Variants in ABTB2 observed in about 807,000 individuals in gnomAD.
ABTB2 encodes ankyrin repeat and BTB/POZ domain-containing protein 2.
A neutral mutation model predicts 104.1 loss-of-function variants in ABTB2; 56 were observed. That is an observed-to-expected ratio of 0.54 (90% CI 0.43 to 0.67). The LOEUF (loss-of-function observed/expected upper bound fraction) is 0.67. Ranked by LOEUF, ABTB2 falls within the 30% of genes least tolerant of loss-of-function variation. ABTB2 has a pLI of 0.00. For missense variants in ABTB2, 1,279 were observed against 1,407.7 expected, an observed-to-expected ratio of 0.91 and a Z score of 1.46; for synonymous variants, 606 against 608.2, an observed-to-expected ratio of 1.00 and a Z score of 0.05.
At chr11:34,266,049 G>A (rs1048288158) in intron 1 of ABTB2, among the ~76,000 whole-genome samples, 2 of 151,798 alleles carry the variant, frequency 1.3e-5, no homozygotes, top group African/African-American at 4.8e-5. Context: ...AGGGGATCCA[G>A]TTCCATCTCT....
At chr11:34,238,777 G>A (rs1302834267) in intron 1 of ABTB2, among the ~76,000 whole-genome samples, 4 of 151,862 alleles carry the variant, frequency 2.6e-5, no homozygotes, top group Admixed American at 1.3e-4. Flanking sequence ...CTTTTGAGTC[G>A]GAGTCTCACT....
intron 1 of ABTB2, among the ~76,000 whole-genome samples, chr11:34,214,139 AACACACACACACACACAC>A (rs10529537): frequency 7.2e-6 from 1 of 139,172 alleles, no homozygotes; most frequent in Non-Finnish European, 1.5e-5. Flanking sequence ...GCACATTCAA[AACACACACACACACACAC>A]ACACACACAC....
intron 3 of ABTB2, among the ~76,000 whole-genome samples, chr11:34,190,166 G>A (rs1302289104): frequency 6.6e-6 from 1 of 151,992 alleles, no homozygotes; most frequent in Non-Finnish European, 1.5e-5. Context: ...CTTGCATCTG[G>A]AAGGTGGAGG....
At chr11:34,345,613 T>G (rs1461323721) in intron 1 of ABTB2, among the ~76,000 whole-genome samples, 1 of 151,456 alleles carries the variant, frequency 6.6e-6, no homozygotes, top group Non-Finnish European at 1.5e-5. Flanking sequence ...AAGCACCCAC[T>G]GGACAGGTGG....
chr11:34,196,049 C>G (rs1156524895), intron 3 of ABTB2, among the ~76,000 whole-genome samples: 2 of 152,178 alleles, frequency 1.3e-5, no homozygotes, highest in African/African-American at 4.8e-5. Flanking sequence ...ATGGGGCTTC[C>G]TAAACTGAGT....
At chr11:34,160,814 G>T (rs1852707511) in intron 11 of ABTB2, 89 bp downstream of exon 11, 2 of 1,411,436 alleles carry the variant, frequency 1.4e-6, no homozygotes, top group Non-Finnish European at 1.9e-6. Context: ...CCCTGTGTCT[G>T]TCCACGTGTC....
intron 1 of ABTB2, among the ~76,000 whole-genome samples, chr11:34,327,985 G>A (rs898770118): frequency 6.6e-6 from 1 of 152,178 alleles, no homozygotes; most frequent in Admixed American, 6.5e-5. Context: ...TCTGAAATGT[G>A]TCATCTAGCA....
chr11:34,263,694 T>C (rs1195865575), intron 1 of ABTB2, among the ~76,000 whole-genome samples: 1 of 152,150 alleles, frequency 6.6e-6, no homozygotes, highest in East Asian at 1.9e-4. Context: ...TCCCTAGGCA[T>C]GTTGTAGGCA....
chr11:34,159,871 C>T (rs1194490005), intron 13 of ABTB2, 35 bp downstream of exon 13: 2 of 1,534,578 alleles, frequency 1.3e-6, no homozygotes, highest in Non-Finnish European at 1.8e-6. Context: ...CTTCTGTGCC[C>T]CTGGGCTGGG....
chr11:34,203,082 G>T (rs1164838840), intron 2 of ABTB2, among the ~76,000 whole-genome samples: 1 of 152,172 alleles, frequency 6.6e-6, no homozygotes, highest in East Asian at 1.9e-4. Context: ...AAGAGGCAAA[G>T]GATCAGCCCC....
At chr11:34,335,388 T>C (rs931610354) in intron 1 of ABTB2, 29 of 827,460 alleles carry the variant, frequency 3.5e-5, no homozygotes, top group South Asian at 1.2e-4. Context: ...CTTAGCAACA[T>C]TGATGAACTT....
chr11:34,343,533 G>A (rs1855289757), intron 1 of ABTB2, among the ~76,000 whole-genome samples: 1 of 151,956 alleles, frequency 6.6e-6, no homozygotes, highest in Non-Finnish European at 1.5e-5. Flanking sequence ...GGAGTGTGGT[G>A]GTGTGATCTG....
intron 1 of ABTB2, among the ~76,000 whole-genome samples, chr11:34,343,026 G>C (rs537088089): frequency 6.6e-6 from 1 of 152,098 alleles, no homozygotes; most frequent in East Asian, 1.9e-4. Flanking sequence ...CTGGAGGGCA[G>C]TGGTGCGATC....
intron 1 of ABTB2, among the ~76,000 whole-genome samples, chr11:34,302,201 C>G (rs1402992770): frequency 6.6e-6 from 1 of 152,244 alleles, no homozygotes; most frequent in South Asian, 2.1e-4. Flanking sequence ...CTCTTCCCCA[C>G]CACAACTGGA....
chr11:34,352,174 G>A (rs997968376), intron 1 of ABTB2, among the ~76,000 whole-genome samples: 3 of 152,118 alleles, frequency 2.0e-5, no homozygotes, highest in African/African-American at 4.8e-5. Flanking sequence ...AAGAGGTTTC[G>A]TCCCTGCTCT....
chr11:34,336,421 G>T (rs549574483), intron 1 of ABTB2, among the ~76,000 whole-genome samples: 34 of 152,242 alleles, frequency 2.2e-4, no homozygotes, highest in Admixed American at 1.2e-3. Context: ...CAGGAGGATT[G>T]CTTGAGGCCA....
At chr11:34,218,126 AATTG>A (rs1299642769) in intron 1 of ABTB2, among the ~76,000 whole-genome samples, 1 of 152,164 alleles carries the variant, frequency 6.6e-6, no homozygotes, top group Non-Finnish European at 1.5e-5. Flanking sequence ...TCCATTTTTA[AATTG>A]ATTGGTTGTT....
At chr11:34,250,133 GAGAGCTGGGTGTTCTA>G (rs1854037921) in intron 1 of ABTB2, among the ~76,000 whole-genome samples, 1 of 152,206 alleles carries the variant, frequency 6.6e-6, no homozygotes, top group African/African-American at 2.4e-5. Context: ...AGGGGTCTTG[GAGAGCTGGGTGTTCTA>G]AGAGCACAGA....
At chr11:34,330,808 A>C (rs141247234) in intron 1 of ABTB2, among the ~76,000 whole-genome samples, 1 of 152,366 alleles carries the variant, frequency 6.6e-6, no homozygotes, top group Non-Finnish European at 1.5e-5. Flanking sequence ...GTGACCTGTT[A>C]AATGTTCCTC....
Sources: gnomAD v4.1 joint callset for allele counts (sites outside exome capture counted in the v4.1 genomes callset) on GRCh38, gnomAD v4.1.1 for gene constraint, MANE v1.5 for transcripts, NCBI Gene and HGNC (gene_info 2026-07-23, HGNC 2026-07-21) for gene names.